Variants in ESR2 observed in about 807,000 individuals in gnomAD.
ESR2 encodes the protein estrogen receptor beta.
In ESR2, 36 loss-of-function variants were observed where a neutral mutation model predicts 49.6. The observed-to-expected ratio is 0.73, with a 90% CI of 0.56 to 0.96. The LOEUF is 0.96. Among genes scored for constraint, ESR2 ranks in the 40% least tolerant of loss-of-function variants. The probability of loss-of-function intolerance (pLI) is 0.00; values close to 1 mark genes in which losing one functional copy is unlikely to be tolerated. For synonymous variants in ESR2, 320 were observed against 266.1 expected (o/e 1.20, Z -1.97); for missense variants, 714 against 693.0 (o/e 1.03, Z -0.34).
upstream of ESR2, among the ~76,000 whole-genome samples, chr14:64,294,576 C>T (rs1204310900): frequency 3.9e-5 from 6 of 152,148 alleles, no homozygotes; most frequent in Non-Finnish European, 8.8e-5. Context: ...TCCCCGCAGC[C>T]CCAGTCTCAG....
chr14:64,282,845 T>C lies in ESR2; in HGVS notation c.141A>G (p.Thr47=). 2 of 1,614,174 alleles carry C rather than the reference T, an allele frequency of 1.2e-6. No individual in the cohort carries two copies. Among genetic ancestry groups the C allele is most frequent in the Non-Finnish European group, 1.7e-6 (2 of 1,180,020 alleles). The change falls in exon 2 of 9, where the codon ACA becomes ACG. Residue 47 remains threonine, a synonymous_variant. Coordinates refer to ENST00000341099, the MANE Select transcript of ESR2 (RefSeq NM_001437.3). ...AATTCATCACAGCAGGGCTATAGAA[T>C]GTCATGGCTGGATATTCATGGTGGC... The part of the protein sequence containing the change: ...VDSHHEYPAM[T]FYSPAVMNYS...
rs187829373 is a variant in ESR2 at position 64,332,002 on chromosome 14, T to A, written c.-91+5896A>T. On this transcript the variant is annotated intron_variant, in intron 1 of 8. Transcript: ENST00000358599. ...TGGTCCCTAGAGCCTCACTCTGTAG[T>A]CTTATTTGAAACTGTGCTTAGAAGA... is the stretch of plus-strand genomic sequence containing the variant. 1.4e-4 allele frequency among the ~76,000 whole-genome samples: 22 copies of A among 152,264 alleles called. No homozygotes were observed. In the Middle Eastern group the frequency reaches 0.01, roughly 71 times the overall value.
In ESR2 at chr14:64,231,004, A is replaced by AGCCT. The variant is rs2098726720; in HGVS notation, c.*2129_*2132dup. 6.9e-6 allele frequency: 1 copy of AGCCT among 145,926 alleles called. No individual in the cohort carries two copies. The highest frequency in any genetic ancestry group is 6.9e-5 in the Admixed American group (1 of 14,434). 9.0% of individuals were successfully genotyped at this position (145,926 alleles called of 1,614,324 possible). ...CAGGCTCAGGTGATCCTCCCACCTC[A>AGCCT]GCCTCCCAGGTAGCTGGAACTACAG... On this transcript the variant is annotated 3_prime_UTR_variant, in exon 9 of 9. Transcript: ENST00000341099.
chr14:64,282,543 A>G (rs1242323247), intron 2 of ESR2, 81 bp downstream of exon 2: 17 of 1,398,552 alleles, frequency 1.2e-5, no homozygotes, highest in Non-Finnish European at 1.7e-5. Context: ...CTTGTCTAAC[A>G]TATTATTTCC....
chr14:64,273,451 ATGTC>A (rs2140782911), intron 3 of ESR2, among the ~76,000 whole-genome samples: 1 of 152,146 alleles, frequency 6.6e-6, no homozygotes, highest in East Asian at 1.9e-4. Context: ...GGTCTGTTAT[ATGTC>A]TGTTATTGGG....
chr14:64,240,743 T>C (rs1175803162), intron 7 of ESR2, among the ~76,000 whole-genome samples: 1 of 152,210 alleles, frequency 6.6e-6, no homozygotes, highest in African/African-American at 2.4e-5. Context: ...TAACTTTCAG[T>C]ATTCCATAAA....
intron 1 of ESR2, among the ~76,000 whole-genome samples, chr14:64,303,027 C>T (rs1567790929): frequency 6.6e-6 from 1 of 151,996 alleles, no homozygotes; most frequent in Non-Finnish European, 1.5e-5. Flanking sequence ...CTCCAACTCC[C>T]GACCTCAGGT....
chr14:64,282,548 A>G (rs2076696024), intron 2 of ESR2, 76 bp downstream of exon 2: 1 of 1,427,976 alleles, frequency 7.0e-7, no homozygotes, highest in Non-Finnish European at 9.5e-7. Flanking sequence ...CTAACATATT[A>G]TTTCCTTCTC....
intron 1 of ESR2, among the ~76,000 whole-genome samples, chr14:64,313,167 A>G (rs2077204491): frequency 6.6e-6 from 1 of 152,194 alleles, no homozygotes; most frequent in Admixed American, 6.6e-5. Context: ...CAATCAACCA[A>G]GAAGACACAG....
chr14:64,304,055 G>A (rs1445954964), intron 1 of ESR2, among the ~76,000 whole-genome samples: 2 of 152,250 alleles, frequency 1.3e-5, no homozygotes, highest in African/African-American at 4.8e-5. Flanking sequence ...GCTCACGCCT[G>A]TAATCCCAGC....
At chr14:64,305,409 G>T (rs1040469534) in intron 1 of ESR2, among the ~76,000 whole-genome samples, 1 of 151,832 alleles carries the variant, frequency 6.6e-6, no homozygotes, top group Non-Finnish European at 1.5e-5. Context: ...AGTGGCTCAC[G>T]CCTGTAATCC....
At chr14:64,283,908 T>C (rs1359264152) in intron 1 of ESR2, among the ~76,000 whole-genome samples, 1 of 151,994 alleles carries the variant, frequency 6.6e-6, no homozygotes, top group Non-Finnish European at 1.5e-5. Flanking sequence ...CTGTTGCTTC[T>C]CAGTTTTGTT....
intron 7 of ESR2, among the ~76,000 whole-genome samples, chr14:64,241,145 C>CAAAAAAAAA (rs56347632): frequency 2.2e-4 from 21 of 95,398 alleles, no homozygotes; most frequent in East Asian, 4.9e-4. Flanking sequence ...GACTCCGTCT[C>CAAAAAAAAA]AAAAAAAAAA....
intron 7 of ESR2, among the ~76,000 whole-genome samples, chr14:64,245,326 A>G (rs1474727273): frequency 1.3e-5 from 2 of 152,034 alleles, no homozygotes; most frequent in African/African-American, 4.8e-5. Context: ...AGCCTGGCCA[A>G]CATGGTGAAA....
At chr14:64,313,664 T>G (rs987660171) in intron 1 of ESR2, among the ~76,000 whole-genome samples, 2 of 149,384 alleles carry the variant, frequency 1.3e-5, no homozygotes, top group East Asian at 2.0e-4. Flanking sequence ...CTGAGGCGGG[T>G]GGATCACAAG....
Position 64,257,284 on chromosome 14 carries a change from A to C in ESR2, c.1033T>G (p.Trp345Gly). The C allele has an allele frequency of 6.2e-7, 1 of 1,614,222 alleles. No homozygotes were observed. The highest frequency in any genetic ancestry group is 8.5e-7 in the Non-Finnish European group (1 of 1,180,036). The change falls in exon 6 of 9, where the codon TGG (tryptophan) becomes GGG (glycine). Residue 345 changes from tryptophan to glycine, a missense_variant. Trp to Gly is a radical substitution (Grantham distance 184). Coordinates refer to ENST00000341099, the MANE Select transcript of ESR2 (RefSeq NM_001437.3). ...TTGCCGGGGTGGTCAATTGAGCGCC[A>C]CATCAGCCCCATCATTAACACCTCC... is the stretch of plus-strand genomic sequence containing the variant. ...WMEVLMMGLMWRSIDHPGKLI... is the reference protein window; with the variant it reads ...WMEVLMMGLMGRSIDHPGKLI...
chr14:64,303,702 A>G lies in ESR2; in HGVS notation c.-90-20627T>C, dbSNP rs187483280. On this transcript the variant is annotated intron_variant, in intron 1 of 8. Transcript: ENST00000358599. ...GTAAGACAAGTTTTTAGATCATTGT[A>G]TATGTGTAACATGTTGAAATATATA... 10 of 152,340 alleles carry G rather than the reference A, an allele frequency of 6.6e-5. No homozygotes were observed. In the East Asian group the frequency reaches 1.5e-3, roughly 23 times the overall value. The allele number at this position is 152,340 out of a possible 1,614,324, so 9.4% of individuals were successfully genotyped here. A position where few individuals can be genotyped will look rare whatever the true frequency, so the allele number is the denominator to read the frequency against.
At chr14:64,308,948 A>T (rs1222201862) in intron 1 of ESR2, among the ~76,000 whole-genome samples, 2 of 151,914 alleles carry the variant, frequency 1.3e-5, no homozygotes, top group African/African-American at 4.8e-5. Flanking sequence ...CAGCCCCCTC[A>T]GTTTCTTTCT....
At chr14:64,275,616 T>C (rs1357910829) in intron 3 of ESR2, among the ~76,000 whole-genome samples, 1 of 151,704 alleles carries the variant, frequency 6.6e-6, no homozygotes, top group Non-Finnish European at 1.5e-5. Context: ...GGCAGGAGAA[T>C]CCCTTGAACC....
Sources: gnomAD v4.1 joint callset for allele counts (sites outside exome capture counted in the v4.1 genomes callset) on GRCh38, gnomAD v4.1.1 for gene constraint, MANE v1.5 for transcripts, NCBI Gene and HGNC (gene_info 2026-07-23, HGNC 2026-07-21) for gene names.